DDX17: variants seen among roughly 807,000 people sequenced by gnomAD.
DDX17 encodes the protein DEAD-box helicase 17.
In DDX17, 10 loss-of-function variants were observed where a neutral mutation model predicts 80.8. The ratio of observed to expected loss-of-function variants is 0.12; its 90% CI spans 0.08 to 0.21. The LOEUF is 0.21. Among genes scored for constraint, DDX17 ranks in the 10% least tolerant of loss-of-function variants. DDX17 has a pLI of 1.00. For synonymous variants in DDX17, 339 were observed against 336.2 expected (o/e 1.01, Z -0.09); for missense variants, 586 against 957.4 (o/e 0.61, Z 5.12).
rs981699683 is a variant in DDX17 at position 38,484,496 on chromosome 22, G to C, written c.*1439C>G. ...CAGGCCTTAGCCAAAGAATGCAGTG[G>C]AGCCTTCCCCCTTCAACTGCATTGT... is the stretch of plus-strand genomic sequence containing the variant. On this transcript the variant is annotated 3_prime_UTR_variant, in exon 13 of 13. Coordinates refer to ENST00000403230, the MANE Select transcript of DDX17 (RefSeq NM_006386.5). 2.0e-5 allele frequency: 3 copies of C among 152,190 alleles called. No individual in the cohort carries two copies. The allele number at this position is 152,190 out of a possible 1,614,324, so 9.4% of individuals were successfully genotyped here. A position where few individuals can be genotyped will look rare whatever the true frequency, so the allele number is the denominator to read the frequency against.
At chr22:38,499,289 CTT>C (rs1009148768) in intron 3 of DDX17, 109 bp downstream of exon 3, 88 of 784,834 alleles carry the variant, frequency 1.1e-4, no homozygotes, top group South Asian at 3.2e-4. Flanking sequence ...AAAACAATCT[CTT>C]GTCCTTTCAA....
intron 3 of DDX17, 33 bp from the exon 4 acceptor site, chr22:38,498,606 G>A (rs1164735963): frequency 6.2e-7 from 1 of 1,610,072 alleles, no homozygotes; most frequent in South Asian, 1.1e-5. Context: ...GTATTTTATT[G>A]TGTTTAAAGA....
intron 1 of DDX17, among the ~76,000 whole-genome samples, chr22:38,501,876 AT>A (rs957235134): frequency 6.6e-6 from 1 of 152,220 alleles, no homozygotes; most frequent in African/African-American, 2.4e-5. Context: ...ACAAGTCTCT[AT>A]TTTTGTGTAA....
intron 1 of DDX17, 153 bp downstream of exon 1, chr22:38,505,798 G>T: frequency 1.0e-6 from 1 of 995,812 alleles, no homozygotes; most frequent in Non-Finnish European, 1.4e-6. Flanking sequence ...CGGGGCCGAG[G>T]TCCGCGCACG....
Position 38,485,972 on chromosome 22 carries a change from G to A in DDX17, c.2153C>T (p.Pro718Leu), listed in dbSNP as rs1305405414. The change falls in exon 13 of 13, where the codon CCT becomes CTT. Residue 718 changes from proline to leucine, a missense_variant. Around this residue, in one of 4 missense-constraint regions of DDX17, gnomAD observed 221 missense variants for 261.4 expected, o/e 0.85. Coordinates refer to ENST00000403230, the MANE Select transcript of DDX17 (RefSeq NM_006386.5). ...AGGAGGAGGAGGGGGAGGAGGAGGA[G>A]GGTATTGGTAGGCAGTCTGCCCCAT... 5.0e-6 allele frequency: 8 copies of A among 1,613,872 alleles called. No homozygotes were observed. Among genetic ancestry groups the A allele is most frequent in the Non-Finnish European group, 4.2e-6 (5 of 1,179,966 alleles).
Position 38,486,022 on chromosome 22 carries a change from C to T in DDX17, c.2103G>A (p.Pro701=), listed in dbSNP as rs13996. ...TGTAACCTATCATATTGGTAGCTCCCGGAGGCTGTGCAAACTGTTGTGACA... is the reference window on the plus strand; with the variant it reads ...TGTAACCTATCATATTGGTAGCTCCTGGAGGCTGTGCAAACTGTTGTGACA... Residue 701 remains proline, a synonymous_variant, in exon 13 of 13, where the codon CCG becomes CCA. Coordinates refer to ENST00000403230, the MANE Select transcript of DDX17 (RefSeq NM_006386.5). The T allele has an allele frequency of 4.8e-3, 7,710 of 1,613,852 alleles. 317 individuals carry two copies. The African/African-American group carries it at 0.088, about 18-fold the overall frequency.
At position 38,494,710 on chromosome 22, in the gene DDX17, G is replaced by A. The variant is rs749690859; in HGVS notation, c.1134C>T (p.Asn378=). The A allele has an allele frequency of 1.9e-5, 30 of 1,614,030 alleles. 1 individual carries two copies. The Middle Eastern group carries it at 6.6e-4, about 35-fold the overall frequency. ...TGGCACTCAACTCCAGATTGCCTAC[G>A]TTGATCTGGGTGTAATCACGAAGGA... The change falls in exon 8 of 13, where the codon AAC becomes AAT. Residue 378 remains asparagine (N), a synonymous_variant. Transcript: ENST00000403230.
intron 11 of DDX17, 31 bp from the exon 12 acceptor site, chr22:38,488,146 G>T (rs755477122): frequency 5.0e-6 from 8 of 1,612,890 alleles, no homozygotes; most frequent in South Asian, 1.1e-5. Flanking sequence ...CAGTGTGTAG[G>T]TTGATGTGGC....
In DDX17 at chr22:38,498,492, C is replaced by T; in HGVS notation, c.620G>A (p.Ser207Asn). ...AGCAATGCCCACCATATCCCGGCCACTAAGAGCCAACGGAAATCCCTGGCA... is the reference window on the plus strand; with the variant it reads ...AGCAATGCCCACCATATCCCGGCCATTAAGAGCCAACGGAAATCCCTGGCA... The change falls in exon 4 of 13, where the codon AGT becomes AAT. Residue 207 changes from serine to asparagine, a missense_variant. Ser to Asn is a conservative substitution (Grantham distance 46). Transcript: ENST00000403230. The T allele has an allele frequency of 6.2e-7, 1 of 1,614,210 alleles. No individual in the cohort carries two copies. The highest frequency in any genetic ancestry group is 1.1e-5 in the South Asian group (1 of 91,092).
chr22:38,501,352 C>G (rs1453781426), intron 1 of DDX17, 72 bp from the exon 2 acceptor site: 2 of 1,505,422 alleles, frequency 1.3e-6, no homozygotes, highest in Admixed American at 2.4e-5. Context: ...TAAGAATATT[C>G]AAAAAGGATG....
chr22:38,488,835 A>G, intron 11 of DDX17: 1 of 985,430 alleles, frequency 1.0e-6, no homozygotes, highest in Non-Finnish European at 1.2e-6. Flanking sequence ...TTCTGCCAAA[A>G]TGAGGATATT....
chr22:38,506,298 C>T lies in DDX17; in HGVS notation c.-61G>A. Reference sequence around the variant, plus strand: ...TAGGCGTCTCCTTCCTTCCCAGCGACTGCACAAAATGGCGGCCGCCGCTGA... The same window carrying T: ...TAGGCGTCTCCTTCCTTCCCAGCGATTGCACAAAATGGCGGCCGCCGCTGA... On this transcript the variant is annotated 5_prime_UTR_variant, in exon 1 of 13. Coordinates refer to ENST00000403230, the MANE Select transcript of DDX17 (RefSeq NM_006386.5). The T allele has an allele frequency of 6.7e-7, 1 of 1,492,630 alleles. No individual in the cohort carries two copies. Among genetic ancestry groups the T allele is most frequent in the Non-Finnish European group, 8.9e-7 (1 of 1,122,136 alleles). 92.5% of individuals were successfully genotyped at this position (1,492,630 alleles called of 1,614,324 possible).
At chr22:38,493,471 GCCA>G in intron 10 of DDX17, 1 of 457,884 alleles carries the variant, frequency 2.2e-6, no homozygotes, top group Non-Finnish European at 3.9e-6. Context: ...ATAGGCATGA[GCCA>G]CCAACGGTGC....
At chr22:38,498,044 T>C (rs1475597889) in intron 5 of DDX17, 41 bp downstream of exon 5, 1 of 1,582,800 alleles carries the variant, frequency 6.3e-7, no homozygotes, top group Non-Finnish European at 8.7e-7. Context: ...CGCTAAATTG[T>C]AGTTTTTCTT....
intron 11 of DDX17, chr22:38,488,866 T>G: frequency 1.0e-6 from 1 of 985,432 alleles, no homozygotes; most frequent in Non-Finnish European, 1.2e-6. Flanking sequence ...TCAAGGTTAT[T>G]TCAACTCAGG....
At chr22:38,492,206 C>G (rs1380791755) in intron 10 of DDX17, 91 bp from the exon 11 acceptor site, 2 of 1,022,642 alleles carry the variant, frequency 2.0e-6, no homozygotes, top group East Asian at 5.4e-5. Flanking sequence ...AATAATGGTG[C>G]CAGAAAATCC....
chr22:38,497,493 C>T (rs2089780529), intron 5 of DDX17, among the ~76,000 whole-genome samples: 1 of 150,730 alleles, frequency 6.6e-6, no homozygotes, highest in African/African-American at 2.4e-5. Flanking sequence ...TGGTGCACGC[C>T]TTTAATCCCA....
In DDX17 at chr22:38,506,206, C is replaced by CA; in HGVS notation, c.31dup (p.Cys11LeufsTer83). ...TCTCGTCGGAGACGGGAGCAAAACA[C>CA]AGAGAATCGGGGCTACAAAGCCGGT... On this transcript the variant is annotated frameshift_variant, in exon 1 of 13. Transcript: ENST00000403230. LOFTEE classifies it high-confidence loss of function. 6.2e-7 allele frequency: 1 copy of CA among 1,607,564 alleles called. No individual in the cohort carries two copies. The highest frequency in any genetic ancestry group is 1.7e-4 in the Middle Eastern group (1 of 6,052).
In DDX17 at chr22:38,489,582, T is replaced by C. The variant is rs2089693281; in HGVS notation, c.1448-1467A>G. The C allele has an allele frequency of 6.1e-6, 6 of 984,986 alleles. No homozygotes were observed. Among genetic ancestry groups the C allele is most frequent in the Non-Finnish European group, 6.0e-6 (5 of 829,790 alleles). 61.0% of individuals were successfully genotyped at this position (984,986 alleles called of 1,614,324 possible). A position where few individuals can be genotyped will look rare whatever the true frequency, so the allele number is the denominator to read the frequency against. On this transcript the variant is annotated intron_variant, in intron 11 of 12. Transcript: ENST00000403230. This position sits in a 1 kb window ranked among gnomAD's most constrained non-coding sequence, Gnocchi z 4.6. The stretch of plus-strand genomic sequence containing the variant: ...CATCCAAAGGGTCAGACTGCATCTA[T>C]TGCCCAGACTGGATTAATTTCAAGG...
Sources: gnomAD v4.1 joint callset for allele counts (sites outside exome capture counted in the v4.1 genomes callset) on GRCh38, gnomAD v4.1.1 for gene constraint, gnomAD v4.1.1 regional missense constraint, Gnocchi (gnomAD v3.1) non-coding constraint, MANE v1.5 for transcripts, NCBI Gene and HGNC (gene_info 2026-07-23, HGNC 2026-07-21) for gene names.